DPH1: variants seen among roughly 807,000 people sequenced by gnomAD.
DPH1 encodes the protein 2-(3-amino-3-carboxypropyl)histidine synthase subunit 1.
Under a neutral mutation model 55.3 loss-of-function variants are expected in DPH1, and 59 were observed. The ratio of observed to expected loss-of-function variants is 1.07; its 90% CI spans 0.87 to 1.33. The LOEUF (loss-of-function observed/expected upper bound fraction) is 1.33. Ranked by LOEUF, DPH1 falls within the 40% of genes most tolerant of loss-of-function variation. The probability of loss-of-function intolerance (pLI) is 0.00; values close to 1 mark genes in which losing one functional copy is unlikely to be tolerated. For synonymous variants in DPH1, 238 were observed against 235.5 expected, an observed-to-expected ratio of 1.01 and a Z score of -0.10; for missense variants, 628 against 584.8, an observed-to-expected ratio of 1.07 and a Z score of -0.76.
At position 2,039,566 on chromosome 17, in the gene DPH1, A is replaced by G. The variant is rs924350538; in HGVS notation, c.681-189A>G. ...CTAAGTTTTTGTATTTTTAGTAGAG[A>G]CGGGGTTTCACTGTGTTAGCCAGGA... is the stretch of plus-strand genomic sequence containing the variant. On this transcript the variant is annotated intron_variant, in intron 6 of 12. Coordinates refer to ENST00000263083, the MANE Select transcript of DPH1 (RefSeq NM_001383.6). 97 of 609,416 alleles carry G rather than the reference A, an allele frequency of 1.6e-4. No homozygotes were observed. In the African/African-American group the frequency reaches 1.6e-3, roughly 10 times the overall value. 37.8% of individuals were successfully genotyped at this position (609,416 alleles called of 1,614,324 possible).
At chr17:2,040,806 G>C (rs1189439052) in intron 9 of DPH1, 1 of 649,842 alleles carries the variant, frequency 1.5e-6, no homozygotes, top group Non-Finnish European at 2.7e-6. Context: ...CATCACATTT[G>C]TCCTTGTGAG....
Position 2,041,580 on chromosome 17 carries a change from GACC to G in DPH1, c.1187_1189del (p.Asp396_Arg397delinsGly), listed in dbSNP as rs1220420254. 5.6e-6 allele frequency: 9 copies of G among 1,610,564 alleles called. No homozygotes were observed. In the South Asian group the frequency reaches 8.8e-5, roughly 16 times the overall value. On this transcript the variant is annotated inframe_deletion, in exon 11 of 13. Coordinates refer to ENST00000263083, the MANE Select transcript of DPH1 (RefSeq NM_001383.6). ...GCCCTGGACGGTGAACCACGGCCAG[GACC>G]GCCGTCCCCACGCCCCGGGCCGGCC...
At chr17:2,038,829 T>A (rs1183509622) in intron 6 of DPH1, 1 of 152,196 alleles carries the variant, frequency 6.6e-6, no homozygotes, top group Non-Finnish European at 1.5e-5. Context: ...CAAATGAGGA[T>A]CTCTAGAACC....
chr17:2,042,279 T>C (rs1203516592), intron 12 of DPH1: 3 of 1,400,686 alleles, frequency 2.1e-6, no homozygotes, highest in Non-Finnish European at 2.8e-6. Flanking sequence ...CTCCATCTTG[T>C]TTCGTCCCCC....
intron 8 of DPH1, 26 bp from the exon 9 acceptor site, chr17:2,040,479 C>G (rs1296832154): frequency 1.2e-6 from 2 of 1,614,084 alleles, no homozygotes; most frequent in Non-Finnish European, 1.7e-6. Flanking sequence ...CCAGGTGACC[C>G]CCACCCTGCC....
intron 3 of DPH1, among the ~76,000 whole-genome samples, chr17:2,035,504 G>GGCGAGA (rs2067407765): frequency 6.7e-6 from 1 of 148,980 alleles, no homozygotes. Context: ...GGAGGGGGTG[G>GGCGAGA]GGGCCCTGCC....
intron 10 of DPH1, 146 bp downstream of exon 10, chr17:2,041,327 G>A (rs1323036763): frequency 1.4e-6 from 2 of 1,452,010 alleles, no homozygotes; most frequent in Non-Finnish European, 1.9e-6. Context: ...TCACTTCCTA[G>A]CTGTGTAGCC....
chr17:2,035,427 A>AGGTAGCGGGGGTCCAGG (rs2067401861), intron 3 of DPH1, among the ~76,000 whole-genome samples: 4 of 122,170 alleles, frequency 3.3e-5, no homozygotes, highest in African/African-American at 6.4e-5. Flanking sequence ...GGGGGTCCGG[A>AGGTAGCGGGGGTCCAGG]CGAGAGGGCC....
In DPH1 at chr17:2,041,877, T is replaced by A; in HGVS notation, c.*18+2T>A. The A allele has an allele frequency of 6.4e-7, 1 of 1,573,688 alleles. No homozygotes were observed. The highest frequency in any genetic ancestry group is 1.8e-5 in the Admixed American group (1 of 54,860). ...CCTTGACGCGCTCCCGGGCCTCAGG[T>A]ATCAGCCCCCGCTCTGGGTGCGCCC... On this transcript the variant is annotated splice_donor_variant, in intron 12 of 12. Coordinates refer to ENST00000263083, the MANE Select transcript of DPH1 (RefSeq NM_001383.6). LOFTEE classifies it low-confidence loss of function (3UTR_SPLICE).
rs1267934003 is a variant in DPH1, at chr17:2,036,632, C to T, written c.504C>T (p.Pro168=). The part of the protein sequence containing the change: ...HLLDSLRLTF[P]PATALALVST... Reference sequence around the variant, plus strand: ...TGGACTCTCTCCGCCTCACCTTTCCCCCAGCCACTGCCCTTGCCCTGGTCA... The same window carrying T: ...TGGACTCTCTCCGCCTCACCTTTCCTCCAGCCACTGCCCTTGCCCTGGTCA... Residue 168 remains proline (P), a synonymous_variant, in exon 5 of 13, where the codon CCC becomes CCT. Transcript: ENST00000263083. The surrounding 1 kb of genome is among the most constrained non-coding windows in gnomAD (Gnocchi z 4.8). The T allele has an allele frequency of 6.2e-7, 1 of 1,614,026 alleles. No homozygotes were observed. The highest frequency in any genetic ancestry group is 8.5e-7 in the Non-Finnish European group (1 of 1,180,026).
intron 9 of DPH1, 77 bp from the exon 10 acceptor site, chr17:2,041,026 C>T (rs1201797600): frequency 7.3e-7 from 1 of 1,370,712 alleles, no homozygotes; most frequent in Non-Finnish European, 1.0e-6. Context: ...GTGCTGGGGG[C>T]ACTGTCATGT....
intron 1 of DPH1, 41 bp from the exon 2 acceptor site, chr17:2,033,464 G>T (rs776320815): frequency 1.2e-6 from 2 of 1,612,942 alleles, no homozygotes; most frequent in Admixed American, 1.7e-5. Context: ...TCTGGCTTCA[G>T]CCAAAGACAG....
In DPH1 at chr17:2,042,940, G is replaced by A; in HGVS notation, c.*354G>A. The stretch of plus-strand genomic sequence containing the variant: ...GCCCTTGTCATTGCCTTCGCTCCAT[G>A]TTTTTGGGGACACTGACAAAGTCAT... On this transcript the variant is annotated 3_prime_UTR_variant, in exon 13 of 13. Coordinates refer to ENST00000263083, the MANE Select transcript of DPH1 (RefSeq NM_001383.6). 1.2e-6 allele frequency: 2 copies of A among 1,614,180 alleles called. No homozygotes were observed. The highest frequency in any genetic ancestry group is 8.5e-7 in the Non-Finnish European group (1 of 1,180,028).
At chr17:2,042,401 T>G (rs950966217) in intron 12 of DPH1, 23 of 1,249,640 alleles carry the variant, frequency 1.8e-5, no homozygotes, top group Non-Finnish European at 2.4e-5. Flanking sequence ...CAGCCTGTCC[T>G]CCCAGGCTTC....
At chr17:2,041,349 C>T in intron 10 of DPH1, 132 bp from the exon 11 acceptor site, 1 of 1,470,560 alleles carries the variant, frequency 6.8e-7, no homozygotes, top group Non-Finnish European at 9.2e-7. Context: ...TAGGCAAGGC[C>T]CTGAACCACA....
chr17:2,041,707 C>G, intron 11 of DPH1, 61 bp from the exon 12 acceptor site: 2 of 1,579,902 alleles, frequency 1.3e-6, no homozygotes, highest in Non-Finnish European at 8.6e-7. Flanking sequence ...CGCACAGGAG[C>G]GGAGCGGAGG....
chr17:2,038,147 CAAAAAAAAAAA>C (rs201391773), intron 6 of DPH1, among the ~76,000 whole-genome samples: 4 of 108,748 alleles, frequency 3.7e-5, no homozygotes, highest in African/African-American at 7.4e-5. Context: ...CTGTTCTCTC[CAAAAAAAAAAA>C]AAAAAAAAAA....
At chr17:2,034,302 C>T (rs1282517228) in intron 3 of DPH1, among the ~76,000 whole-genome samples, 1 of 151,956 alleles carries the variant, frequency 6.6e-6, no homozygotes, top group African/African-American at 2.4e-5. Flanking sequence ...GTATTCAGTT[C>T]CTCTACATCC....
chr17:2,042,684 G>A lies in DPH1; in HGVS notation c.*98G>A, dbSNP rs748317353. The A allele has an allele frequency of 1.3e-6, 2 of 1,529,048 alleles. No individual in the cohort carries two copies. Among genetic ancestry groups the A allele is most frequent in the Non-Finnish European group, 1.8e-6 (2 of 1,141,854 alleles). 94.7% of individuals were successfully genotyped at this position (1,529,048 alleles called of 1,614,324 possible). A position where few individuals can be genotyped will look rare whatever the true frequency, so the allele number is the denominator to read the frequency against. On this transcript the variant is annotated 3_prime_UTR_variant, in exon 13 of 13. Coordinates refer to ENST00000263083, the MANE Select transcript of DPH1 (RefSeq NM_001383.6). ...CCGACGTTTTCTCCGCATTGGAAGA[G>A]CCCGCCGTCTGCAGGGGCCTGGAGG...
Sources: gnomAD v4.1 joint callset for allele counts (sites outside exome capture counted in the v4.1 genomes callset) on GRCh38, gnomAD v4.1.1 for gene constraint, Gnocchi (gnomAD v3.1) non-coding constraint, MANE v1.5 for transcripts, NCBI Gene and HGNC (gene_info 2026-07-23, HGNC 2026-07-21) for gene names.